C14orf132: variants seen among roughly 807,000 people sequenced by gnomAD.
The protein encoded by C14orf132 is uncharacterized protein C14orf132.
Under a neutral mutation model 5.8 loss-of-function variants are expected in C14orf132, and 6 were observed. The ratio of observed to expected loss-of-function variants is 1.03; its 90% CI spans 0.57 to 2.04. C14orf132 has a LOEUF of 2.04. Ranked by LOEUF, C14orf132 falls within the 30% of genes most tolerant of loss-of-function variation. The probability of loss-of-function intolerance (pLI) is 0.00; values close to 1 mark genes in which losing one functional copy is unlikely to be tolerated. For synonymous variants in C14orf132, 51 were observed against 49.8 expected, an observed-to-expected ratio of 1.02 and a Z score of -0.10; for missense variants, 125 against 115.8, an observed-to-expected ratio of 1.08 and a Z score of -0.37.
At chr14:96,074,491 G>A (rs1332775863) in intron 1 of C14orf132, among the ~76,000 whole-genome samples, 1 of 149,122 alleles carries the variant, frequency 6.7e-6, no homozygotes, top group Non-Finnish European at 1.5e-5. Context: ...ACGTGTTATA[G>A]TTTTATGATT....
In C14orf132 at chr14:96,086,784, T is replaced by A. The variant is rs1250028784; in HGVS notation, c.*49T>A. On this transcript the variant is annotated 3_prime_UTR_variant, in exon 2 of 2. Coordinates refer to ENST00000555004, the MANE Select transcript of C14orf132 (RefSeq NM_001252507.3). ...TGGGGTGAGGCTTGGCACGTAGCTC[T>A]GACTTGCTGTCGGCCTTTGGCTTCT... 1 of 1,504,958 alleles carries A rather than the reference T, an allele frequency of 6.6e-7. No individual in the cohort carries two copies. Among genetic ancestry groups the A allele is most frequent in the Non-Finnish European group, 8.9e-7 (1 of 1,121,700 alleles). The allele number at this position is 1,504,958 out of a possible 1,614,324, so 93.2% of individuals were successfully genotyped here. A position where few individuals can be genotyped will look rare whatever the true frequency, so the allele number is the denominator to read the frequency against.
At chr14:96,078,185 C>T (rs1290205249) in intron 1 of C14orf132, among the ~76,000 whole-genome samples, 4 of 152,240 alleles carry the variant, frequency 2.6e-5, no homozygotes, top group Non-Finnish European at 5.9e-5. Flanking sequence ...ACCATGGGGC[C>T]CTTCCCTGGC....
intron 1 of C14orf132, among the ~76,000 whole-genome samples, chr14:96,085,947 G>A (rs1223356214): frequency 6.7e-6 from 1 of 148,838 alleles, no homozygotes; most frequent in Non-Finnish European, 1.5e-5. Flanking sequence ...TTTTCTCTCT[G>A]TCTCTGTCTC....
intron 1 of C14orf132, among the ~76,000 whole-genome samples, chr14:96,068,710 A>G (rs1189112537): frequency 1.2e-4 from 18 of 152,146 alleles, no homozygotes; most frequent in Admixed American, 1.2e-3. Flanking sequence ...AGTTCCGCCC[A>G]TTAGCTCTTG....
At chr14:96,075,192 T>G (rs1887827410) in intron 1 of C14orf132, among the ~76,000 whole-genome samples, 1 of 152,210 alleles carries the variant, frequency 6.6e-6, no homozygotes, top group Non-Finnish European at 1.5e-5. Context: ...GCTTTTTGGC[T>G]AAAGTTCATA....
chr14:96,040,960 T>C (rs1375570033), intron 1 of C14orf132, among the ~76,000 whole-genome samples: 11 of 152,216 alleles, frequency 7.2e-5, no homozygotes, highest in Non-Finnish European at 1.0e-4. Flanking sequence ...CAAGATAAAC[T>C]GATCCCTGCT....
chr14:96,063,330 A>G (rs766703573), intron 1 of C14orf132, among the ~76,000 whole-genome samples: 1 of 152,080 alleles, frequency 6.6e-6, no homozygotes, highest in Non-Finnish European at 1.5e-5. Flanking sequence ...GTTTTTTGAG[A>G]CAGAGTCTCG....
intron 1 of C14orf132, among the ~76,000 whole-genome samples, chr14:96,081,211 G>T (rs78156582): frequency 0.011 from 1,711 of 152,248 alleles, 34 homozygotes; most frequent in African/African-American, 0.039. Flanking sequence ...GCATGTTTTT[G>T]ATTTCAAGAA....
chr14:96,078,994 A>G (rs964885988), intron 1 of C14orf132, among the ~76,000 whole-genome samples: 1 of 152,188 alleles, frequency 6.6e-6, no homozygotes, highest in Non-Finnish European at 1.5e-5. Context: ...TGCACCTTCC[A>G]TTTCCTTTCT....
intron 1 of C14orf132, among the ~76,000 whole-genome samples, chr14:96,075,595 G>T (rs1451648822): frequency 6.6e-6 from 1 of 152,138 alleles, no homozygotes; most frequent in Non-Finnish European, 1.5e-5. Context: ...GATCCAGGAA[G>T]TTCCCTTCTA....
intron 1 of C14orf132, among the ~76,000 whole-genome samples, chr14:96,040,076 T>C (rs1886647036): frequency 6.6e-6 from 1 of 151,682 alleles, no homozygotes; most frequent in Admixed American, 6.6e-5. Flanking sequence ...TTTGTCCTGT[T>C]TTGCTTTGTG....
At chr14:96,051,414 G>A (rs1470463540) in intron 1 of C14orf132, among the ~76,000 whole-genome samples, 2 of 152,190 alleles carry the variant, frequency 1.3e-5, no homozygotes, top group African/African-American at 4.8e-5. Flanking sequence ...GAAATGCCGG[G>A]AGCAGGTTGC....
At chr14:96,083,241 G>A (rs998313784) in intron 1 of C14orf132, among the ~76,000 whole-genome samples, 1 of 152,138 alleles carries the variant, frequency 6.6e-6, no homozygotes, top group Non-Finnish European at 1.5e-5. Flanking sequence ...GGGCTGAGGG[G>A]GTTTGTGATG....
At chr14:96,057,835 CT>C (rs1887224912) in intron 1 of C14orf132, among the ~76,000 whole-genome samples, 1 of 152,170 alleles carries the variant, frequency 6.6e-6, no homozygotes, top group African/African-American at 2.4e-5. Context: ...CCCCTGGATC[CT>C]TTGTGGAGAA....
intron 1 of C14orf132, among the ~76,000 whole-genome samples, chr14:96,082,852 A>G (rs748253636): frequency 3.3e-5 from 5 of 152,218 alleles, no homozygotes; most frequent in Admixed American, 6.5e-5. Context: ...CACTGCTTGC[A>G]ACAATCTCGC....
intron 1 of C14orf132, among the ~76,000 whole-genome samples, chr14:96,048,759 C>A (rs899211072): frequency 5.9e-5 from 9 of 152,110 alleles, no homozygotes; most frequent in Admixed American, 1.3e-4. Context: ...CTCCTGACCT[C>A]AGGTGGTCTG....
intron 1 of C14orf132, among the ~76,000 whole-genome samples, chr14:96,054,522 G>A (rs1887123209): frequency 6.6e-6 from 1 of 152,160 alleles, no homozygotes; most frequent in Admixed American, 6.5e-5. Flanking sequence ...TGGAGCCTCA[G>A]TTTCCCTTTC....
Position 96,090,683 on chromosome 14 carries a change from C to T in C14orf132, c.*3948C>T, listed in dbSNP as rs974589358. The T allele has an allele frequency of 2.2e-6, 1 of 456,064 alleles. No individual in the cohort carries two copies. Among genetic ancestry groups the T allele is most frequent in the South Asian group, 1.5e-5 (1 of 64,560 alleles). 28.3% of individuals were successfully genotyped at this position (456,064 alleles called of 1,614,324 possible). A position where few individuals can be genotyped will look rare whatever the true frequency, so the allele number is the denominator to read the frequency against. On this transcript the variant is annotated 3_prime_UTR_variant, in exon 2 of 2. Coordinates refer to ENST00000555004, the MANE Select transcript of C14orf132 (RefSeq NM_001252507.3). Reference sequence around the variant, plus strand: ...TGATTCTCGCTCCTTTCAGATCCCCCAGGATCTGAGGGAGAAAGGATGGGA... The same window carrying T: ...TGATTCTCGCTCCTTTCAGATCCCCTAGGATCTGAGGGAGAAAGGATGGGA...
At chr14:96,057,991 G>A (rs1887231011) in intron 1 of C14orf132, among the ~76,000 whole-genome samples, 1 of 152,210 alleles carries the variant, frequency 6.6e-6, no homozygotes, top group African/African-American at 2.4e-5. Context: ...CTTGCTGTGT[G>A]CTGGGCTCTC....
Sources: gnomAD v4.1 joint callset for allele counts (sites outside exome capture counted in the v4.1 genomes callset) on GRCh38, gnomAD v4.1.1 for gene constraint, MANE v1.5 for transcripts, NCBI Gene and HGNC (gene_info 2026-07-23, HGNC 2026-07-21) for gene names.